The following RBL2 variants were observed in gnomAD, a reference collection of about 807,000 sequenced individuals.
The protein encoded by RBL2 is retinoblastoma-like protein 2.
RBL2 carries 56 observed loss-of-function variants against 126.0 expected under a neutral mutation model. The observed-to-expected ratio is 0.44, with a 90% CI of 0.36 to 0.56. RBL2 has a LOEUF of 0.56. RBL2 is among the 20% of genes least tolerant of loss of function. RBL2 has a pLI of 0.00. For synonymous variants in RBL2, 454 were observed against 478.5 expected (o/e 0.95, Z 0.67); for missense variants, 1,229 against 1,398.2 (o/e 0.88, Z 1.93).
chr16:53,448,227 G>A (rs937324574), intron 4 of RBL2, among the ~76,000 whole-genome samples: 12 of 132,424 alleles, frequency 9.1e-5, no homozygotes, highest in Admixed American at 1.5e-4. Flanking sequence ...GTGCGATCTC[G>A]GCCCACTGCA....
At position 53,459,448 on chromosome 16, in the gene RBL2, T is replaced by C. The variant is rs1567734762; in HGVS notation, c.1180-3T>C. 6.2e-7 allele frequency: 1 copy of C among 1,608,724 alleles called. No homozygotes were observed. The highest frequency in any genetic ancestry group is 1.7e-5 in the Admixed American group (1 of 59,246). On this transcript the variant is annotated splice_region_variant and splice_polypyrimidine_tract_variant and intron_variant, in intron 8 of 21. Transcript: ENST00000262133. ...AATTCTGTGTAATTTTTTTTTTCTT[T>C]AGTCCAAAGCACTTAGAATCTCCAC...
At chr16:53,453,888 C>T in intron 7 of RBL2, 119 bp downstream of exon 7, 1 of 892,644 alleles carries the variant, frequency 1.1e-6, no homozygotes, top group South Asian at 1.9e-5. Context: ...TGAGAGAATA[C>T]AGGGAAGCAA....
chr16:53,435,436 G>A (rs1343237811), intron 1 of RBL2, among the ~76,000 whole-genome samples: 1 of 152,138 alleles, frequency 6.6e-6, no homozygotes, highest in Non-Finnish European at 1.5e-5. Context: ...CTACCTCGAG[G>A]GCTTTTTGGT....
At chr16:53,488,113 G>C (rs141021939) in intron 21 of RBL2, 28 of 152,330 alleles carry the variant, frequency 1.8e-4, no homozygotes, top group African/African-American at 6.7e-4. Flanking sequence ...ACTGTTTATA[G>C]TGACTTTCTT....
Position 53,470,039 on chromosome 16 carries a change from C to G in RBL2, c.2099C>G (p.Pro700Arg). Residue 700 changes from proline (P) to arginine (R), a missense_variant, in exon 15 of 22, where the codon CCA (proline) becomes CGA (arginine). By Grantham distance (103) the Pro-to-Arg change is moderately radical. Transcript: ENST00000262133. ...SDGGTPGRMPPQPLVNAVPVQ... is the reference protein window; with the variant it reads ...SDGGTPGRMPRQPLVNAVPVQ... ...GGAGGGACGCCTGGGCGCATGCCCC[C>G]ACAGCCCCTAGTCAATGCTGTCCCT... 6.2e-7 allele frequency: 1 copy of G among 1,614,230 alleles called. No individual in the cohort carries two copies. Among genetic ancestry groups the G allele is most frequent in the Non-Finnish European group, 8.5e-7 (1 of 1,180,024 alleles).
At chr16:53,472,337 C>A (rs762903609) in intron 17 of RBL2, among the ~76,000 whole-genome samples, 2 of 152,124 alleles carry the variant, frequency 1.3e-5, no homozygotes, top group African/African-American at 4.8e-5. Context: ...GAAGAACCAC[C>A]GTACCATTTT....
chr16:53,457,511 G>A (rs1273774923), intron 8 of RBL2, among the ~76,000 whole-genome samples: 3 of 151,664 alleles, frequency 2.0e-5, no homozygotes, highest in Admixed American at 1.3e-4. Flanking sequence ...TTCCCGCCTC[G>A]GCTTCCTGAA....
chr16:53,471,994 C>T (rs1021489099), intron 17 of RBL2, among the ~76,000 whole-genome samples: 3 of 152,154 alleles, frequency 2.0e-5, no homozygotes, highest in Non-Finnish European at 4.4e-5. Flanking sequence ...TGTTCTTAAT[C>T]GTTTATAGAA....
chr16:53,483,863 G>A (rs1473633483), intron 21 of RBL2, among the ~76,000 whole-genome samples: 1 of 149,810 alleles, frequency 6.7e-6, no homozygotes, highest in Admixed American at 6.7e-5. Context: ...GGGGACAAGA[G>A]CAAGACTCCG....
chr16:53,470,857 C>A lies in RBL2; in HGVS notation c.2638C>A (p.Pro880Thr). Residue 880 changes from proline (P) to threonine (T), a missense_variant, in exon 17 of 22, where the codon CCT becomes ACT. Around this residue, in one of 2 missense-constraint regions of RBL2, gnomAD observed 1,070 missense variants for 1,274.3 expected, o/e 0.84. Transcript: ENST00000262133. ...TCFEFSIIQC[P>T]ELMMDRHLDQ... Reference sequence around the variant, plus strand: ...CTTTGAATTCTCCATAATTCAGTGTCCTGAACTTATGATGGACAGACATCT... The same window carrying A: ...CTTTGAATTCTCCATAATTCAGTGTACTGAACTTATGATGGACAGACATCT... 1 of 1,614,070 alleles carries A rather than the reference C, an allele frequency of 6.2e-7. No individual in the cohort carries two copies. The highest frequency in any genetic ancestry group is 8.5e-7 in the Non-Finnish European group (1 of 1,180,002).
rs200891640 is a variant in RBL2, at chr16:53,451,742, A to G, written c.677A>G (p.Tyr226Cys). The change falls in exon 5 of 22, where the codon TAT becomes TGT. Residue 226 changes from tyrosine (Y) to cysteine (C), a missense_variant. Tyr to Cys is a radical substitution (Grantham distance 194). Transcript: ENST00000262133. ...ATTAGTGATGATTTGGTCAATTCTT[A>G]TCACCTGCTGCTGTGTGCTTTGGAC... ...PMISDDLVNS[Y>C]HLLLCALDLV... The G allele has an allele frequency of 6.2e-7, 1 of 1,613,600 alleles. No individual in the cohort carries two copies.
intron 2 of RBL2, 59 bp from the exon 3 acceptor site, chr16:53,442,599 C>A: frequency 7.9e-7 from 1 of 1,271,634 alleles, no homozygotes; most frequent in Non-Finnish European, 1.1e-6. Context: ...TGAATACTTA[C>A]TTTTGTATAC....
Position 53,470,411 on chromosome 16 carries a change from A to G in RBL2, c.2274A>G (p.Thr758=). Residue 758 remains threonine (T), a synonymous_variant, in exon 16 of 22, where the codon ACA becomes ACG. Transcript: ENST00000262133. ...TTGCCAATGAAAATGGAGGGATAAC[A>G]TTCTTCCCTGTCCAAGTCAATGTTG... ...QGIANENGGI[T]FFPVQVNVGG... is the part of the protein sequence containing the mutation. 1.2e-6 allele frequency: 2 copies of G among 1,613,988 alleles called. No homozygotes were observed. The highest frequency in any genetic ancestry group is 1.7e-6 in the Non-Finnish European group (2 of 1,179,868).
Position 53,434,800 on chromosome 16 carries a change from C to CG in RBL2, c.240+5dup. ...GAGCGAAAGCTACACGCTGGAGGTG[C>CG]GCTCGCGGGCGGAGGGGCGCTTCCG... is the stretch of plus-strand genomic sequence containing the variant. On this transcript the variant is annotated splice_donor_region_variant and intron_variant, in intron 1 of 21. Coordinates refer to ENST00000262133, the MANE Select transcript of RBL2 (RefSeq NM_005611.4). 1 of 1,485,658 alleles carries CG rather than the reference C, an allele frequency of 6.7e-7. No individual in the cohort carries two copies. The highest frequency in any genetic ancestry group is 9.0e-7 in the Non-Finnish European group (1 of 1,115,374). 92.0% of individuals were successfully genotyped at this position (1,485,658 alleles called of 1,614,324 possible). A position where few individuals can be genotyped will look rare whatever the true frequency, so the allele number is the denominator to read the frequency against.
Position 53,470,795 on chromosome 16 carries a change from A to G in RBL2, c.2576A>G (p.Asp859Gly), listed in dbSNP as rs61759888. 156 of 1,614,122 alleles carry G rather than the reference A, an allele frequency of 9.7e-5. No homozygotes were observed. The highest frequency in any genetic ancestry group is 1.2e-4 in the Non-Finnish European group (147 of 1,180,052). ...VRLRDLCAKL[D>G]ISDELRKKIW... The stretch of plus-strand genomic sequence containing the variant: ...CTTCGGGATCTCTGTGCCAAACTAG[A>G]TATTTCAGATGAATTGAGGAAAAAA... The change falls in exon 17 of 22, where the codon GAT becomes GGT. Residue 859 changes from aspartate (D) to glycine (G), a missense_variant. Physicochemically the swap from Asp to Gly is moderately conservative, Grantham distance 94 (BLOSUM62 -1). Coordinates refer to ENST00000262133, the MANE Select transcript of RBL2 (RefSeq NM_005611.4).
chr16:53,448,049 A>G (rs1473455074), intron 4 of RBL2, among the ~76,000 whole-genome samples: 3 of 152,250 alleles, frequency 2.0e-5, no homozygotes, highest in Non-Finnish European at 4.4e-5. Flanking sequence ...TGCCTTTGCC[A>G]CTAAGATGGC....
At chr16:53,444,575 T>TAAAA (rs1356876201) in intron 3 of RBL2, among the ~76,000 whole-genome samples, 1 of 146,938 alleles carries the variant, frequency 6.8e-6, no homozygotes, top group African/African-American at 2.6e-5. Flanking sequence ...AATAAATAAA[T>TAAAA]AAATAAAATG....
chr16:53,434,899 T>C, intron 1 of RBL2, 103 bp downstream of exon 1: 2 of 1,383,770 alleles, frequency 1.4e-6, no homozygotes, highest in African/African-American at 1.5e-5. Context: ...GGTTGCGGGC[T>C]CCCAGCCCCG....
chr16:53,436,711 C>CA (rs2057961895), intron 1 of RBL2, among the ~76,000 whole-genome samples: 1 of 152,212 alleles, frequency 6.6e-6, no homozygotes, highest in African/African-American at 2.4e-5. Flanking sequence ...AACTCATTCT[C>CA]ACAGTCCTCA....
Sources: allele counts gnomAD v4.1 joint callset (sites outside exome capture counted in the v4.1 genomes callset), GRCh38; gene constraint gnomAD v4.1.1; regional missense constraint gnomAD v4.1.1; transcripts MANE v1.5; gene names NCBI Gene and HGNC (gene_info 2026-07-23, HGNC 2026-07-21).